Variants in SNRPN observed in about 807,000 individuals in gnomAD.
SNRPN encodes small nuclear ribonucleoprotein-associated protein N.
SNRPN carries 7 observed loss-of-function variants against 25.2 expected under a neutral mutation model. That is an observed-to-expected ratio of 0.28 (90% CI 0.16 to 0.52). The LOEUF is 0.52. Among genes scored for constraint, SNRPN ranks in the 20% least tolerant of loss-of-function variants. The pLI is 0.96. For missense variants in SNRPN, 196 were observed against 322.5 expected, an observed-to-expected ratio of 0.61 and a Z score of 3.00; for synonymous variants, 124 against 110.6, an observed-to-expected ratio of 1.12 and a Z score of -0.76.
At chr15:24,971,881 A>G (rs1036627077) in intron 3 of SNRPN, among the ~76,000 whole-genome samples, 10 of 152,260 alleles carry the variant, frequency 6.6e-5, no homozygotes, top group Admixed American at 6.5e-4. Flanking sequence ...CCACAGTAAG[A>G]TCTGTCTTGC....
chr15:24,850,619 G>A (rs2052732076), intron 2 of SNRPN: 1 of 152,252 alleles, frequency 6.6e-6, no homozygotes, highest in Admixed American at 6.5e-5. Context: ...CCGGCCTAAG[G>A]GAGCTCTATT....
At chr15:24,860,815 T>G (rs1416944226) in intron 1 of SNRPN, among the ~76,000 whole-genome samples, 8 of 152,208 alleles carry the variant, frequency 5.3e-5, no homozygotes, top group Non-Finnish European at 7.3e-5. Flanking sequence ...AATTTTAAGT[T>G]GAATCATAGC....
At chr15:24,879,854 T>G (rs1035306245) in intron 1 of SNRPN, among the ~76,000 whole-genome samples, 4 of 152,204 alleles carry the variant, frequency 2.6e-5, no homozygotes, top group African/African-American at 9.6e-5. Flanking sequence ...TCTCTAGCCT[T>G]CCTATCACCC....
chr15:24,824,369 C>G (rs1844647140), intron 1 of SNRPN, among the ~76,000 whole-genome samples: 1 of 152,064 alleles, frequency 6.6e-6, no homozygotes, highest in Non-Finnish European at 1.5e-5. Context: ...TTGTTTTTCT[C>G]CTTACCCAAA....
chr15:24,931,923 G>A (rs910732996), intron 3 of SNRPN, among the ~76,000 whole-genome samples: 7 of 151,310 alleles, frequency 4.6e-5, no homozygotes, highest in Non-Finnish European at 7.4e-5. Flanking sequence ...GTTGAGTTGT[G>A]GGGTAGGGTA....
intron 3 of SNRPN, among the ~76,000 whole-genome samples, chr15:24,924,538 C>T (rs1286601253): frequency 6.6e-6 from 1 of 152,094 alleles, no homozygotes; most frequent in Non-Finnish European, 1.5e-5. Context: ...CCCACATAAC[C>T]TCAGTTGAAA....
intron 3 of SNRPN, among the ~76,000 whole-genome samples, chr15:24,925,723 T>C (rs1217152846): frequency 6.7e-6 from 1 of 148,572 alleles, no homozygotes; most frequent in Non-Finnish European, 1.5e-5. Context: ...GGACCATAGG[T>C]GCATACCACC....
At chr15:24,908,172 T>A (rs1222677041) in intron 2 of SNRPN, among the ~76,000 whole-genome samples, 1 of 151,918 alleles carries the variant, frequency 6.6e-6, no homozygotes, top group Non-Finnish European at 1.5e-5. Flanking sequence ...ACTCCAGAAC[T>A]GTGAGAAACA....
chr15:24,855,246 A>G (rs1049845688), upstream of SNRPN, among the ~76,000 whole-genome samples: 5 of 152,322 alleles, frequency 3.3e-5, no homozygotes, highest in East Asian at 7.7e-4. Flanking sequence ...CAAATACTAC[A>G]TTCATTTGTA....
At chr15:24,931,572 C>G (rs956690755) in intron 3 of SNRPN, among the ~76,000 whole-genome samples, 1 of 151,402 alleles carries the variant, frequency 6.6e-6, no homozygotes, top group African/African-American at 2.4e-5. Flanking sequence ...GGGTGCCACA[C>G]GCTTGTAATC....
chr15:24,882,399 A>G (rs1231207024), intron 1 of SNRPN, among the ~76,000 whole-genome samples: 1 of 152,182 alleles, frequency 6.6e-6, no homozygotes, highest in Non-Finnish European at 1.5e-5. Context: ...TTTTTATTTA[A>G]TGAGTTTCAA....
At chr15:24,967,013 A>G (rs571905137) in intron 2 of SNRPN, 1 of 152,202 alleles carries the variant, frequency 6.6e-6, no homozygotes, top group Non-Finnish European at 1.5e-5. Context: ...ATAGCCCTGG[A>G]AGTTCTATAT....
intron 3 of SNRPN, among the ~76,000 whole-genome samples, chr15:24,972,071 C>A (rs576397969): frequency 1.3e-5 from 2 of 151,978 alleles, no homozygotes; most frequent in Non-Finnish European, 2.9e-5. Context: ...GCCTGGCCAA[C>A]GTAGCGAAAT....
chr15:24,973,285 G>A (rs1310839799), intron 3 of SNRPN, among the ~76,000 whole-genome samples: 1 of 152,216 alleles, frequency 6.6e-6, no homozygotes, highest in Non-Finnish European at 1.5e-5. Context: ...TATTGCCTAA[G>A]AGTATAGTAG....
chr15:24,869,321 C>G (rs2054871342), intron 1 of SNRPN, among the ~76,000 whole-genome samples: 1 of 152,134 alleles, frequency 6.6e-6, no homozygotes, highest in Non-Finnish European at 1.5e-5. Context: ...TATAGTTTCC[C>G]TTATTATTAA....
chr15:24,939,229 A>T (rs531911101), intron 3 of SNRPN, among the ~76,000 whole-genome samples: 1 of 152,114 alleles, frequency 6.6e-6, no homozygotes, highest in South Asian at 2.1e-4. Context: ...TCTGGTCTTC[A>T]CCATGACTTA....
chr15:24,840,283 G>A (rs1198121097), intron 2 of SNRPN, among the ~76,000 whole-genome samples: 5 of 152,258 alleles, frequency 3.3e-5, no homozygotes, highest in South Asian at 4.1e-4. Flanking sequence ...GCTTGAACCC[G>A]GGAGGCAGAG....
chr15:24,965,215 G>A (rs2075432179), intron 2 of SNRPN, among the ~76,000 whole-genome samples: 1 of 152,108 alleles, frequency 6.6e-6, no homozygotes, highest in African/African-American at 2.4e-5. Flanking sequence ...AGTCTTCCTG[G>A]AGGAGTTGTG....
upstream of SNRPN, among the ~76,000 whole-genome samples, chr15:24,950,678 G>T (rs2062196443): frequency 6.7e-6 from 1 of 149,972 alleles, no homozygotes; most frequent in Non-Finnish European, 1.5e-5. Flanking sequence ...CTCCCGAGTA[G>T]CTGGGACCAG....
Sources: gnomAD v4.1 joint callset for allele counts (sites outside exome capture counted in the v4.1 genomes callset) on GRCh38, gnomAD v4.1.1 for gene constraint, MANE v1.5 for transcripts, NCBI Gene and HGNC (gene_info 2026-07-23, HGNC 2026-07-21) for gene names.